Variants in CTIF observed in about 807,000 individuals in gnomAD.
CTIF encodes CBP80/20-dependent translation initiation factor.
In CTIF, 21 loss-of-function variants were observed where a neutral mutation model predicts 66.0. The ratio of observed to expected loss-of-function variants is 0.32; its 90% CI spans 0.23 to 0.46. CTIF has a LOEUF of 0.46. Among genes scored for constraint, CTIF ranks in the 20% least tolerant of loss-of-function variants. The pLI is 1.00. For missense variants in CTIF, 739 were observed against 812.7 expected (o/e 0.91, Z 1.10); for synonymous variants, 345 against 326.4 (o/e 1.06, Z -0.62).
chr18:48,632,072 C>A (rs1225658094), intron 2 of CTIF, among the ~76,000 whole-genome samples: 1 of 152,120 alleles, frequency 6.6e-6, no homozygotes, highest in Non-Finnish European at 1.5e-5. Context: ...CCACAAGAAG[C>A]TGGTGTTGAG....
chr18:48,803,489 G>A (rs1180675441), intron 9 of CTIF, among the ~76,000 whole-genome samples: 1 of 152,164 alleles, frequency 6.6e-6, no homozygotes, highest in East Asian at 1.9e-4. Flanking sequence ...CCAGTACATC[G>A]GGAATTTGAC....
At chr18:48,629,752 G>T (rs9966331) in intron 2 of CTIF, among the ~76,000 whole-genome samples, 20,633 of 151,924 alleles carry the variant, frequency 0.14, 1,679 homozygotes, top group South Asian at 0.25. Flanking sequence ...CTTTGCTCAT[G>T]CTGCCACTTT....
rs1442472450 is a variant in CTIF at position 48,859,881 on chromosome 18, T to C, written c.*322T>C. The C allele has an allele frequency of 1.8e-6, 1 of 546,818 alleles. No individual in the cohort carries two copies. The highest frequency in any genetic ancestry group is 2.2e-5 in the Admixed American group (1 of 45,086). The allele number at this position is 546,818 out of a possible 1,614,324, so 33.9% of individuals were successfully genotyped here. ...CAGACCCATCCCCCACGGAGCTTTG[T>C]GTGAGGGATCTCATCGCTGTGACTC... On this transcript the variant is annotated 3_prime_UTR_variant, in exon 12 of 12. Transcript: ENST00000256413.
intron 1 of CTIF, among the ~76,000 whole-genome samples, chr18:48,582,058 G>A (rs1055766609): frequency 6.6e-6 from 1 of 152,032 alleles, no homozygotes; most frequent in Non-Finnish European, 1.5e-5. Flanking sequence ...CCTCCTGTGC[G>A]ATTTGGTGTC....
At chr18:48,644,631 G>A (rs1441372003) in intron 3 of CTIF, among the ~76,000 whole-genome samples, 1 of 152,240 alleles carries the variant, frequency 6.6e-6, no homozygotes, top group Admixed American at 6.5e-5. Context: ...ACCATCAGCA[G>A]CCATGCATTG....
chr18:48,763,777 G>A (rs1039346194), intron 9 of CTIF, among the ~76,000 whole-genome samples: 1 of 152,060 alleles, frequency 6.6e-6, no homozygotes, highest in East Asian at 1.9e-4. Flanking sequence ...CCGGGGTCTC[G>A]GGCAGGGGCA....
intron 10 of CTIF, among the ~76,000 whole-genome samples, chr18:48,828,254 A>T (rs72913794): frequency 4.1e-4 from 62 of 152,270 alleles, no homozygotes; most frequent in Non-Finnish European, 8.4e-4. Flanking sequence ...TTCTAAACCA[A>T]TCTCAACATG....
intron 2 of CTIF, among the ~76,000 whole-genome samples, chr18:48,633,908 T>C (rs1030284312): frequency 1.2e-4 from 19 of 152,198 alleles, no homozygotes; most frequent in Non-Finnish European, 2.5e-4. Context: ...ACACCTTACA[T>C]AACTATAGAA....
intron 10 of CTIF, among the ~76,000 whole-genome samples, chr18:48,839,555 C>CTT (rs1366169240): frequency 1.3e-5 from 2 of 151,548 alleles, no homozygotes; most frequent in African/African-American, 4.8e-5. Context: ...AGTATCACCA[C>CTT]TTTACAGGTA....
intron 7 of CTIF, among the ~76,000 whole-genome samples, chr18:48,718,690 G>A (rs1455677486): frequency 2.6e-5 from 4 of 152,092 alleles, no homozygotes; most frequent in Non-Finnish European, 5.9e-5. Flanking sequence ...GACTGAAAAT[G>A]TCCTCATAGA....
At chr18:48,699,635 C>T (rs777604751) in intron 6 of CTIF, among the ~76,000 whole-genome samples, 21 of 152,052 alleles carry the variant, frequency 1.4e-4, no homozygotes, top group Non-Finnish European at 2.5e-4. Flanking sequence ...CAAGTGCTTA[C>T]GAAGCCTCAG....
intron 1 of CTIF, among the ~76,000 whole-genome samples, chr18:48,572,187 G>A (rs1448794821): frequency 2.0e-5 from 3 of 151,530 alleles, no homozygotes; most frequent in African/African-American, 4.9e-5. Flanking sequence ...TGCTCGTGGG[G>A]CCTTCAACTG....
intron 10 of CTIF, among the ~76,000 whole-genome samples, chr18:48,848,833 C>T (rs542760306): frequency 6.6e-6 from 1 of 152,356 alleles, no homozygotes; most frequent in South Asian, 2.1e-4. Flanking sequence ...CTTGGTTTCT[C>T]CCTGAGGGAG....
chr18:48,690,427 G>T (rs113194577), intron 6 of CTIF, among the ~76,000 whole-genome samples: 122 of 152,142 alleles, frequency 8.0e-4, no homozygotes, highest in African/African-American at 2.5e-3. Context: ...CTTCCATCAC[G>T]TGGAAGACAA....
intron 6 of CTIF, among the ~76,000 whole-genome samples, chr18:48,683,711 A>G (rs1164616614): frequency 6.6e-6 from 1 of 152,112 alleles, no homozygotes. Flanking sequence ...GAGTGTTTTC[A>G]TTACTCCTGG....
At chr18:48,769,412 G>A (rs1271670189) in intron 9 of CTIF, among the ~76,000 whole-genome samples, 1 of 152,242 alleles carries the variant, frequency 6.6e-6, no homozygotes, top group African/African-American at 2.4e-5. Flanking sequence ...CCCAGAAAAG[G>A]GCTGTTTTTC....
intron 3 of CTIF, among the ~76,000 whole-genome samples, chr18:48,646,193 T>C (rs76112025): frequency 0.072 from 10,918 of 152,014 alleles, 445 homozygotes; most frequent in South Asian, 0.11. Context: ...TTAGAATATA[T>C]AAAGAACTCT....
Position 48,663,835 on chromosome 18 carries a change from T to C in CTIF, c.326+10T>C. 1 of 1,613,306 alleles carries C rather than the reference T, an allele frequency of 6.2e-7. No homozygotes were observed. On this transcript the variant is annotated intron_variant, in intron 4 of 11. Transcript: ENST00000256413. ...CCTTCGATTCCTTCAGGTAACCTCCTCCTCCCTCCTTCCCTGTGGTGTGAG... is the reference window on the plus strand; with the variant it reads ...CCTTCGATTCCTTCAGGTAACCTCCCCCTCCCTCCTTCCCTGTGGTGTGAG...
At chr18:48,705,101 G>C (rs115281669) in intron 6 of CTIF, among the ~76,000 whole-genome samples, 11 of 152,366 alleles carry the variant, frequency 7.2e-5, no homozygotes, top group African/African-American at 2.6e-4. Flanking sequence ...CTCCAGGGAA[G>C]CAGGTTCATC....
Sources: gnomAD v4.1 joint callset for allele counts (sites outside exome capture counted in the v4.1 genomes callset) on GRCh38, gnomAD v4.1.1 for gene constraint, MANE v1.5 for transcripts, NCBI Gene and HGNC (gene_info 2026-07-23, HGNC 2026-07-21) for gene names.